The following ZNF239 variants were observed in gnomAD, a reference collection of about 807,000 sequenced individuals.
ZNF239 encodes zinc finger protein 239.
A neutral mutation model predicts 27.5 loss-of-function variants in ZNF239; 16 were observed. That is an observed-to-expected ratio of 0.58 (90% confidence interval 0.39 to 0.88). ZNF239 has a LOEUF of 0.88. ZNF239 is among the 40% of genes least tolerant of loss of function. ZNF239 has a pLI of 0.00. For missense variants in ZNF239, 527 were observed against 551.9 expected, an observed-to-expected ratio of 0.95 and a Z score of 0.45; for synonymous variants, 199 against 192.6, an observed-to-expected ratio of 1.03 and a Z score of -0.27.
Position 43,574,027 on chromosome 10 carries a change from C to T in ZNF239, c.-256-350G>A, listed in dbSNP as rs908827489. Among the ~76,000 whole-genome samples the T allele has an allele frequency of 5.9e-5, 9 of 152,226 alleles. No individual in the cohort carries two copies. In the South Asian group the frequency reaches 1.9e-3, roughly 32 times the overall value. ...GGATGGATTTCGGTTGCCCAAGACGCCTTCCCCGACCTCATTCTCAGGAGC... is the reference window on the plus strand; with the variant it reads ...GGATGGATTTCGGTTGCCCAAGACGTCTTCCCCGACCTCATTCTCAGGAGC... On this transcript the variant is annotated intron_variant, in intron 1 of 3. Coordinates refer to ENST00000374446, the MANE Select transcript of ZNF239 (RefSeq NM_001099282.2).
chr10:43,567,226 AG>A (rs1424778417), intron 3 of ZNF239, among the ~76,000 whole-genome samples: 1 of 152,074 alleles, frequency 6.6e-6, no homozygotes, highest in Non-Finnish European at 1.5e-5. Context: ...TATTTTTGGG[AG>A]GGGAGAGGGA....
intron 3 of ZNF239, among the ~76,000 whole-genome samples, chr10:43,563,838 G>T (rs1837443941): frequency 6.6e-6 from 1 of 151,988 alleles, no homozygotes; most frequent in Non-Finnish European, 1.5e-5. Flanking sequence ...GTGTCTCCCA[G>T]GCTGGAGTGC....
intron 3 of ZNF239, among the ~76,000 whole-genome samples, chr10:43,559,106 T>C (rs938481613): frequency 6.6e-6 from 1 of 152,080 alleles, no homozygotes. Flanking sequence ...AAGCGGCTTC[T>C]TACGAAGGAG....
At chr10:43,565,821 A>G (rs1837603055) in intron 3 of ZNF239, among the ~76,000 whole-genome samples, 1 of 131,040 alleles carries the variant, frequency 7.6e-6, no homozygotes, top group Non-Finnish European at 1.6e-5. Context: ...TCTCAAGAAA[A>G]AAAAAAAAAA....
In ZNF239 at chr10:43,557,890, AAT is replaced by A. The variant is rs753913601; in HGVS notation, c.188_189del (p.Tyr63PhefsTer20). 9 of 1,614,070 alleles carry A rather than the reference AAT, an allele frequency of 5.6e-6. No individual in the cohort carries two copies. The highest frequency in any genetic ancestry group is 2.2e-5 in the East Asian group (1 of 44,898). On this transcript the variant is annotated frameshift_variant, in exon 4 of 4. Coordinates refer to ENST00000374446, the MANE Select transcript of ZNF239 (RefSeq NM_001099282.2). LOFTEE classifies it low-confidence loss of function (END_TRUNC). ...ATTTGGCTTGAGACTTTCAAAGGCAAATATGTTTCACTTTCAATGTTTTCGAA... is the reference window on the plus strand; with the variant it reads ...ATTTGGCTTGAGACTTTCAAAGGCAAATGTTTCACTTTCAATGTTTTCGAA... ...GCFENIESET[Y>X]LPLKVSSQID...
At chr10:43,562,513 A>C (rs1837326619) in intron 3 of ZNF239, among the ~76,000 whole-genome samples, 1 of 152,220 alleles carries the variant, frequency 6.6e-6, no homozygotes. Flanking sequence ...CACGTTTTAT[A>C]TTTATTTTTT....
At chr10:43,558,382 C>G (rs1430513481) in intron 3 of ZNF239, among the ~76,000 whole-genome samples, 2 of 152,204 alleles carry the variant, frequency 1.3e-5, no homozygotes, top group East Asian at 3.8e-4. Context: ...GGAAAGTCTT[C>G]CCTAACTAAT....
At chr10:43,566,355 C>T (rs1476507243) in intron 3 of ZNF239, among the ~76,000 whole-genome samples, 5 of 151,820 alleles carry the variant, frequency 3.3e-5, no homozygotes, top group South Asian at 2.1e-4. Flanking sequence ...AGTGTCATCT[C>T]GGCTCACTGC....
chr10:43,558,001 T>C lies in ZNF239; in HGVS notation c.79A>G (p.Ile27Val). Residue 27 changes from isoleucine to valine, a missense_variant, in exon 4 of 4, where the codon ATT (isoleucine) becomes GTT (valine). Physicochemically the swap from Ile to Val is conservative, Grantham distance 29. Coordinates refer to ENST00000374446, the MANE Select transcript of ZNF239 (RefSeq NM_001099282.2). ...GEVDGEPELD[I>V]SPCQQWGEAS... ...TCTCCCCACTGTTGACAAGGGGAAA[T>C]ATCTAGTTCAGGCTCCCCATCCACT... 6 of 1,614,090 alleles carry C rather than the reference T, an allele frequency of 3.7e-6. No homozygotes were observed. The highest frequency in any genetic ancestry group is 4.2e-6 in the Non-Finnish European group (5 of 1,180,022).
At chr10:43,568,656 T>G (rs1267183667) in intron 2 of ZNF239, among the ~76,000 whole-genome samples, 1 of 152,188 alleles carries the variant, frequency 6.6e-6, no homozygotes, top group Non-Finnish European at 1.5e-5. Context: ...TACCATTCAC[T>G]GCCAAATATT....
At chr10:43,571,472 C>T (rs1045829050) in intron 2 of ZNF239, among the ~76,000 whole-genome samples, 9 of 151,928 alleles carry the variant, frequency 5.9e-5, no homozygotes, top group African/African-American at 2.2e-4. Flanking sequence ...CCTCTGAGAT[C>T]TCATAGCATC....
chr10:43,558,102 G>T lies in ZNF239; in HGVS notation c.-23C>A. 6.3e-7 allele frequency: 1 copy of T among 1,598,590 alleles called. No individual in the cohort carries two copies. Among genetic ancestry groups the T allele is most frequent in the South Asian group, 1.1e-5 (1 of 89,400 alleles). On this transcript the variant is annotated 5_prime_UTR_variant, in exon 4 of 4. Coordinates refer to ENST00000374446, the MANE Select transcript of ZNF239 (RefSeq NM_001099282.2). ...CATGCCTTCCAAAACTAGCCAGGAGGAAAGCTCATGTAACAGATCCTGAAG... is the reference window on the plus strand; with the variant it reads ...CATGCCTTCCAAAACTAGCCAGGAGTAAAGCTCATGTAACAGATCCTGAAG...
At chr10:43,568,974 C>T (rs1010311963) in intron 2 of ZNF239, among the ~76,000 whole-genome samples, 4 of 152,212 alleles carry the variant, frequency 2.6e-5, no homozygotes, top group East Asian at 1.9e-4. Context: ...CTCTTGAACC[C>T]GGGAGGCGGA....
intron 3 of ZNF239, among the ~76,000 whole-genome samples, chr10:43,564,772 T>A (rs1837515784): frequency 6.6e-6 from 1 of 152,002 alleles, no homozygotes; most frequent in African/African-American, 2.4e-5. Context: ...CAAGTGATCC[T>A]CCTGCTTCTG....
chr10:43,558,006 A>C lies in ZNF239; in HGVS notation c.74T>G (p.Leu25Arg), dbSNP rs969706771. Residue 25 changes from leucine to arginine, a missense_variant, in exon 4 of 4, where the codon CTA becomes CGA. Coordinates refer to ENST00000374446, the MANE Select transcript of ZNF239 (RefSeq NM_001099282.2). ...CCACTGTTGACAAGGGGAAATATCT[A>C]GTTCAGGCTCCCCATCCACTTCCCC... ...HRGEVDGEPE[L>R]DISPCQQWGE... The C allele has an allele frequency of 6.2e-7, 1 of 1,614,166 alleles. No individual in the cohort carries two copies. Among genetic ancestry groups the C allele is most frequent in the African/African-American group, 1.3e-5 (1 of 75,038 alleles).
chr10:43,571,202 G>GAA (rs2132307225), intron 2 of ZNF239, among the ~76,000 whole-genome samples: 1 of 151,244 alleles, frequency 6.6e-6, no homozygotes, highest in Non-Finnish European at 1.5e-5. Flanking sequence ...GACCTCCTCA[G>GAA]AACTACATAC....
intron 3 of ZNF239, among the ~76,000 whole-genome samples, chr10:43,560,199 T>C (rs1837121010): frequency 6.6e-6 from 1 of 152,140 alleles, no homozygotes; most frequent in Admixed American, 6.5e-5. Context: ...AAATAAATGA[T>C]CTGCCAAAGA....
intron 3 of ZNF239, among the ~76,000 whole-genome samples, chr10:43,558,651 G>A (rs1410539220): frequency 6.6e-6 from 1 of 152,076 alleles, no homozygotes; most frequent in Non-Finnish European, 1.5e-5. Flanking sequence ...GTTTTTCCAT[G>A]TTGACCAGGC....
In ZNF239 at chr10:43,558,167, G is replaced by A. The variant is rs897218089; in HGVS notation, c.-88C>T. 3.4e-6 allele frequency: 5 copies of A among 1,479,174 alleles called. No homozygotes were observed. The highest frequency in any genetic ancestry group is 2.8e-5 in the African/African-American group (2 of 70,454). The allele number at this position is 1,479,174 out of a possible 1,614,324, so 91.6% of individuals were successfully genotyped here. A position where few individuals can be genotyped will look rare whatever the true frequency, so the allele number is the denominator to read the frequency against. On this transcript the variant is annotated 5_prime_UTR_variant, in exon 4 of 4. Transcript: ENST00000374446. ...GATTCTCCACAGAATTTTCATTCAA[G>A]TCTCCTAGGGAACAAAGACAATTCA...
Sources: gnomAD v4.1 joint callset for allele counts (sites outside exome capture counted in the v4.1 genomes callset) on GRCh38, gnomAD v4.1.1 for gene constraint, MANE v1.5 for transcripts, NCBI Gene and HGNC (gene_info 2026-07-23, HGNC 2026-07-21) for gene names.